ATP13A2: variants seen among roughly 807,000 people sequenced by gnomAD.
ATP13A2 encodes polyamine-transporting ATPase 13A2.
In ATP13A2, 83 loss-of-function variants were observed where a neutral mutation model predicts 138.3. The ratio of observed to expected loss-of-function variants is 0.60; its 90% CI spans 0.50 to 0.72. The LOEUF (loss-of-function observed/expected upper bound fraction) is 0.72. ATP13A2 is among the 30% of genes least tolerant of loss of function. ATP13A2 has a pLI of 0.00. For synonymous variants in ATP13A2, 663 were observed against 699.0 expected (o/e 0.95, Z 0.81); for missense variants, 1,402 against 1,606.4 (o/e 0.87, Z 2.17).
At chr1:16,992,189 A>T in intron 18 of ATP13A2, 54 bp downstream of exon 18, 1 of 1,611,272 alleles carries the variant, frequency 6.2e-7, no homozygotes. Context: ...CTGGGTACCC[A>T]CCCCATTCTG....
intron 6 of ATP13A2, 65 bp from the exon 7 acceptor site, chr1:17,002,438 T>C (rs2077396433): frequency 6.4e-7 from 1 of 1,560,502 alleles, no homozygotes; most frequent in Non-Finnish European, 8.7e-7. Context: ...CCCCACCCTG[T>C]GCAGGCTGGA....
Position 16,996,463 on chromosome 1 carries a change from G to A in ATP13A2, c.1229C>T (p.Ser410Phe). The A allele has an allele frequency of 6.2e-7, 1 of 1,614,072 alleles. No individual in the cohort carries two copies. Among genetic ancestry groups the A allele is most frequent in the South Asian group, 1.1e-5 (1 of 91,082 alleles). Residue 410 changes from serine to phenylalanine, a missense_variant, in exon 13 of 29, where the codon TCC (serine) becomes TTC (phenylalanine). By Grantham distance (155) the Ser-to-Phe change is radical (BLOSUM62 -2). Transcript: ENST00000326735. Reference sequence around the variant, plus strand: ...GTTGATGGGCCGGGGGTGCAAGATGGAGCTCACCAGGCCCCCTTTTGCCGT... The same window carrying A: ...GTTGATGGGCCGGGGGTGCAAGATGAAGCTCACCAGGCCCCCTTTTGCCGT... ...FCTAKGGLVSSILHPRPINFK... is the reference protein window; with the variant it reads ...FCTAKGGLVSFILHPRPINFK...
In ATP13A2 at chr1:17,000,460, G is replaced by C; in HGVS notation, c.780C>G (p.Ala260=). 6.2e-7 allele frequency: 1 copy of C among 1,614,080 alleles called. No individual in the cohort carries two copies. Among genetic ancestry groups the C allele is most frequent in the Non-Finnish European group, 8.5e-7 (1 of 1,179,992 alleles). The change falls in exon 9 of 29, where the codon GCC becomes GCG. Residue 260 remains alanine, a synonymous_variant. Transcript: ENST00000326735. Reference sequence around the variant, plus strand: ...TGGAGGAAATGAGGAAGATGCACAGGGCGTACCAGTAGTAGTGGTCAGCCA... The same window carrying C: ...TGGAGGAAATGAGGAAGATGCACAGCGCGTACCAGTAGTAGTGGTCAGCCA... ...LWLADHYYWY[A]LCIFLISSIS... is the part of the protein sequence containing the mutation.
rs1024751232 is a variant in ATP13A2, at chr1:16,996,563, C to T, written c.1196-67G>A. On this transcript the variant is annotated intron_variant, in intron 12 of 28. Coordinates refer to ENST00000326735, the MANE Select transcript of ATP13A2 (RefSeq NM_022089.4). ...GAGGGCAGGCCTTCCCCACCCCTAG[C>T]CCTCCCGACCCGTGCCTCTGGAGTT... is the stretch of plus-strand genomic sequence containing the variant. 6.3e-6 allele frequency: 8 copies of T among 1,264,940 alleles called. No homozygotes were observed. The African/African-American group carries it at 7.3e-5, about 12-fold the overall frequency. 78.4% of individuals were successfully genotyped at this position (1,264,940 alleles called of 1,614,324 possible).
Position 17,011,783 on chromosome 1 carries a change from G to C in ATP13A2, c.-45C>G. On this transcript the variant is annotated 5_prime_UTR_variant, in exon 1 of 29. Coordinates refer to ENST00000326735, the MANE Select transcript of ATP13A2 (RefSeq NM_022089.4). The surrounding 1 kb of genome is among the most constrained non-coding windows in gnomAD (Gnocchi z 7.3). The stretch of plus-strand genomic sequence containing the variant: ...CGCCGGCCCCGGCGCTGCGGCCCTC[G>C]GCCTGGGCCCCGGCGTGCGCAAGGC... 3 of 1,391,102 alleles carry C rather than the reference G, an allele frequency of 2.2e-6. No homozygotes were observed. The highest frequency in any genetic ancestry group is 9.3e-7 in the Non-Finnish European group (1 of 1,071,240). 86.2% of individuals were successfully genotyped at this position (1,391,102 alleles called of 1,614,324 possible).
chr1:16,996,588 T>G (rs2100900851), intron 12 of ATP13A2, 92 bp from the exon 13 acceptor site: 1 of 985,040 alleles, frequency 1.0e-6, no homozygotes, highest in East Asian at 2.5e-5. Context: ...CCTCTGGAGT[T>G]GCAAGACATG....
intron 15 of ATP13A2, among the ~76,000 whole-genome samples, chr1:16,994,755 C>T (rs557211009): frequency 6.6e-6 from 1 of 152,142 alleles, no homozygotes; most frequent in South Asian, 2.1e-4. Context: ...CTCTGCCTCC[C>T]GGGTTCAAGC....
intron 1 of ATP13A2, among the ~76,000 whole-genome samples, chr1:17,007,016 G>A (rs918099131): frequency 2.6e-5 from 4 of 151,744 alleles, no homozygotes; most frequent in South Asian, 2.1e-4. Flanking sequence ...TCAGCCTCCC[G>A]AGTAGCTGGG....
At chr1:17,008,968 A>AAAAAAAAC (rs1165320743) in intron 1 of ATP13A2, among the ~76,000 whole-genome samples, 2 of 151,496 alleles carry the variant, frequency 1.3e-5, no homozygotes, top group Middle Eastern at 3.4e-3. Context: ...AAAAAAAAAA[A>AAAAAAAAC]AAAAAACCCT....
At chr1:16,994,447 G>A (rs1301897412) in intron 15 of ATP13A2, among the ~76,000 whole-genome samples, 3 of 151,908 alleles carry the variant, frequency 2.0e-5, no homozygotes, top group Admixed American at 6.6e-5. Context: ...TGGTCAGGCT[G>A]GTCTCGAACT....
chr1:17,001,025 A>C (rs2077334580), intron 8 of ATP13A2, among the ~76,000 whole-genome samples: 1 of 152,188 alleles, frequency 6.6e-6, no homozygotes, highest in African/African-American at 2.4e-5. Flanking sequence ...TAAGTGTCAT[A>C]CAATGGCAAT....
At position 16,995,568 on chromosome 1, in the gene ATP13A2, C is replaced by T; in HGVS notation, c.1542+408G>A. The T allele has an allele frequency of 3.0e-6, 1 of 336,092 alleles. No individual in the cohort carries two copies. Among genetic ancestry groups the T allele is most frequent in the Non-Finnish European group, 5.9e-6 (1 of 170,480 alleles). 20.8% of individuals were successfully genotyped at this position (336,092 alleles called of 1,614,324 possible). On this transcript the variant is annotated intron_variant, in intron 15 of 28. Transcript: ENST00000326735. The surrounding 1 kb of genome is among the most constrained non-coding windows in gnomAD (Gnocchi z 4.1). ...ACCTCTGCGATTCTCCTGCCTCAGC[C>T]TCCCGAGTAGCTGGGATTACAAGCA...
At chr1:16,989,427 C>A (rs2100710510) in intron 23 of ATP13A2, among the ~76,000 whole-genome samples, 1 of 152,072 alleles carries the variant, frequency 6.6e-6, no homozygotes, top group Admixed American at 6.5e-5. Flanking sequence ...CCCAGGCTGG[C>A]CTCAAACTCC....
Position 16,996,113 on chromosome 1 carries a change from C to A in ATP13A2, c.1405G>T (p.Val469Leu). The part of the protein sequence containing the change: ...IRALDLVTVV[V>L]PPALPAAMTV... ...ATGGCAGCAGGCAGGGCAGGTGGCA[C>A]CACCACGGTCACCAGGTCGAGAGCC... The change falls in exon 15 of 29, where the codon GTG (valine) becomes TTG (leucine). Residue 469 changes from valine (V) to leucine (L), a missense_variant. By Grantham distance (32) the Val-to-Leu change is conservative (BLOSUM62 1). Coordinates refer to ENST00000326735, the MANE Select transcript of ATP13A2 (RefSeq NM_022089.4). 6.2e-7 allele frequency: 1 copy of A among 1,614,106 alleles called. No individual in the cohort carries two copies. The highest frequency in any genetic ancestry group is 8.5e-7 in the Non-Finnish European group (1 of 1,180,044).
At position 16,992,139 on chromosome 1, in the gene ATP13A2, A is replaced by G; in HGVS notation, c.2006-10T>C. On this transcript the variant is annotated splice_polypyrimidine_tract_variant and intron_variant, in intron 18 of 28. Transcript: ENST00000326735. Reference sequence around the variant, plus strand: ...GCGAAGTCGGTGGGCACTGCCAGGGAGAGGCAGGTGTCACAAGGAGGGGAT... The same window carrying G: ...GCGAAGTCGGTGGGCACTGCCAGGGGGAGGCAGGTGTCACAAGGAGGGGAT... 1 of 1,612,630 alleles carries G rather than the reference A, an allele frequency of 6.2e-7. No homozygotes were observed. The highest frequency in any genetic ancestry group is 8.5e-7 in the Non-Finnish European group (1 of 1,179,090).
Position 17,004,486 on chromosome 1 carries a change from G to C in ATP13A2, c.478-75C>G. On this transcript the variant is annotated intron_variant, in intron 5 of 28. Transcript: ENST00000326735. The surrounding 1 kb of genome is among the most constrained non-coding windows in gnomAD (Gnocchi z 4.1). ...AAGCAGTGTGCTTATGCTGGGAGCC[G>C]AGGGATGGGGGTAGGGGGCAGGGAC... is the stretch of plus-strand genomic sequence containing the variant. 1.9e-6 allele frequency: 3 copies of C among 1,572,582 alleles called. No individual in the cohort carries two copies. The highest frequency in any genetic ancestry group is 1.1e-5 in the South Asian group (1 of 88,602).
At position 17,002,073 on chromosome 1, in the gene ATP13A2, G is replaced by A; in HGVS notation, c.666C>T (p.Ser222=). The A allele has an allele frequency of 2.5e-6, 4 of 1,613,862 alleles. No individual in the cohort carries two copies. The highest frequency in any genetic ancestry group is 3.4e-6 in the Non-Finnish European group (4 of 1,179,896). ...RKAIYGPNVI[S]IPVKSYPQLL... Reference sequence around the variant, plus strand: ...GCTGGGGGTAGGACTTGACCGGTATGCTGATCACGTTGGGGCCGTAAATGG... The same window carrying A: ...GCTGGGGGTAGGACTTGACCGGTATACTGATCACGTTGGGGCCGTAAATGG... The change falls in exon 8 of 29, where the codon AGC becomes AGT. Residue 222 remains serine, a synonymous_variant. Transcript: ENST00000326735.
intron 24 of ATP13A2, 25 bp from the exon 25 acceptor site, chr1:16,988,259 G>T (rs765505590): frequency 6.2e-7 from 1 of 1,614,192 alleles, no homozygotes; most frequent in Non-Finnish European, 8.5e-7. Context: ...ACGGACATTA[G>T]GGGACCCAGG....
rs1036002658 is a variant in ATP13A2 at position 17,004,943 on chromosome 1, C to A, written c.347+71G>T. The A allele has an allele frequency of 5.0e-6, 8 of 1,611,608 alleles. No homozygotes were observed. The African/African-American group carries it at 1.1e-4, about 21-fold the overall frequency. ...GCCAGAGTCAGCCTTTATGGGGGGG[C>A]CGAGGGTTGGGGAAGTTGGGGAGGC... On this transcript the variant is annotated intron_variant, in intron 4 of 28. Coordinates refer to ENST00000326735, the MANE Select transcript of ATP13A2 (RefSeq NM_022089.4). The surrounding 1 kb of genome is among the most constrained non-coding windows in gnomAD (Gnocchi z 4.1).
Sources: allele counts gnomAD v4.1 joint callset (sites outside exome capture counted in the v4.1 genomes callset), GRCh38; gene constraint gnomAD v4.1.1; non-coding constraint Gnocchi (gnomAD v3.1); transcripts MANE v1.5; gene names NCBI Gene and HGNC (gene_info 2026-07-23, HGNC 2026-07-21).